The following NEGR1 variants were observed in gnomAD, a reference collection of about 807,000 sequenced individuals.
NEGR1 encodes neuronal growth regulator 1.
NEGR1 carries 10 observed loss-of-function variants against 40.9 expected under a neutral mutation model. The observed-to-expected ratio is 0.24, with a 90% CI of 0.15 to 0.42. The LOEUF (loss-of-function observed/expected upper bound fraction) is 0.42. Among genes scored for constraint, NEGR1 ranks in the 10% least tolerant of loss-of-function variants. The pLI, the probability that NEGR1 is intolerant of heterozygous loss-of-function variation, is 1.00. For synonymous variants in NEGR1, 185 were observed against 166.8 expected, an observed-to-expected ratio of 1.11 and a Z score of -0.84; for missense variants, 352 against 438.9, an observed-to-expected ratio of 0.80 and a Z score of 1.77.
chr1:71,599,976 G>T (rs942451489), intron 5 of NEGR1, among the ~76,000 whole-genome samples: 6 of 152,068 alleles, frequency 3.9e-5, no homozygotes, highest in Non-Finnish European at 8.8e-5. Context: ...ATATCAATAT[G>T]CCCATGATTT....
chr1:72,176,684 CA>C (rs1652178110), intron 1 of NEGR1, among the ~76,000 whole-genome samples: 1 of 151,924 alleles, frequency 6.6e-6, no homozygotes, highest in African/African-American at 2.4e-5. Context: ...AACAAACAAA[CA>C]AAACCACTGT....
intron 2 of NEGR1, among the ~76,000 whole-genome samples, chr1:71,783,344 GTGT>G (rs1258808844): frequency 2.0e-5 from 3 of 152,120 alleles, no homozygotes; most frequent in Non-Finnish European, 4.4e-5. Flanking sequence ...CCTGGAAAAG[GTGT>G]TGTTCTCAAA....
chr1:72,273,717 T>C (rs1022839130), intron 1 of NEGR1, among the ~76,000 whole-genome samples: 1 of 151,950 alleles, frequency 6.6e-6, no homozygotes, highest in African/African-American at 2.4e-5. Flanking sequence ...TACATTTTCT[T>C]CAAAGTAGAC....
intron 1 of NEGR1, among the ~76,000 whole-genome samples, chr1:72,217,908 A>G (rs1162458071): frequency 6.6e-6 from 1 of 151,858 alleles, no homozygotes; most frequent in African/African-American, 2.4e-5. Flanking sequence ...CTATATCTCC[A>G]ACTAAGAAAG....
intron 6 of NEGR1, among the ~76,000 whole-genome samples, chr1:71,433,569 C>T (rs1646483500): frequency 1.3e-5 from 2 of 152,172 alleles, no homozygotes; most frequent in African/African-American, 2.4e-5. Context: ...AGGTGAAAGG[C>T]ACTGCTTACA....
chr1:71,745,975 A>G (rs563696899), intron 3 of NEGR1, among the ~76,000 whole-genome samples: 16 of 152,152 alleles, frequency 1.1e-4, no homozygotes, highest in Non-Finnish European at 2.4e-4. Context: ...AGAGGCCAAG[A>G]ACACTCTAAA....
intron 1 of NEGR1, among the ~76,000 whole-genome samples, chr1:72,056,184 A>T (rs1185768483): frequency 1.3e-5 from 2 of 151,290 alleles, no homozygotes; most frequent in Non-Finnish European, 3.0e-5. Context: ...TTCTTGTTTT[A>T]GCTAATAACT....
rs1656292223 is a variant in NEGR1, at chr1:72,282,374, G to T, written c.121C>A (p.Pro41Thr). Reference sequence around the variant, plus strand: ...ATCATGTTGTCCACGGCCGCCCAGGGGAAGTCCACACTCTGTCCAGCCGGG... The same window carrying T: ...ATCATGTTGTCCACGGCCGCCCAGGTGAAGTCCACACTCTGTCCAGCCGGG... ...CLPAGQSVDF[P>T]WAAVDNMMVR... is the part of the protein sequence containing the mutation. The change falls in exon 1 of 7, where the codon CCC becomes ACC. Residue 41 changes from proline to threonine, a missense_variant. By Grantham distance (38) the Pro-to-Thr change is conservative (BLOSUM62 -1). Around this residue, in one of 5 missense-constraint regions of NEGR1, gnomAD observed 81 missense variants for 85.8 expected, o/e 0.94. Coordinates refer to ENST00000357731, the MANE Select transcript of NEGR1 (RefSeq NM_173808.3). 15 of 1,613,824 alleles carry T rather than the reference G, an allele frequency of 9.3e-6. No individual in the cohort carries two copies. Among genetic ancestry groups the T allele is most frequent in the African/African-American group, 2.7e-5 (2 of 74,884 alleles).
chr1:72,037,730 C>G (rs372100534), intron 1 of NEGR1, among the ~76,000 whole-genome samples: 1 of 152,118 alleles, frequency 6.6e-6, no homozygotes, highest in Non-Finnish European at 1.5e-5. Context: ...TTGCAAACAT[C>G]TGAATCTATT....
intron 4 of NEGR1, among the ~76,000 whole-genome samples, chr1:71,628,357 G>T (rs1650857026): frequency 6.6e-6 from 1 of 151,940 alleles, no homozygotes; most frequent in South Asian, 2.1e-4. Context: ...CACAATAAAT[G>T]AATGCATTAT....
chr1:71,998,780 G>A (rs1646528486), intron 1 of NEGR1, among the ~76,000 whole-genome samples: 1 of 150,370 alleles, frequency 6.7e-6, no homozygotes, highest in Non-Finnish European at 1.5e-5. Flanking sequence ...ACTATATATT[G>A]GATGTATTAT....
intron 1 of NEGR1, among the ~76,000 whole-genome samples, chr1:72,169,074 TA>T (rs1473755554): frequency 1.2e-4 from 19 of 152,178 alleles, no homozygotes; most frequent in South Asian, 8.3e-4. Context: ...TAACAATTTT[TA>T]AATTTAATAT....
intron 4 of NEGR1, among the ~76,000 whole-genome samples, chr1:71,690,555 T>G (rs565430625): frequency 7.3e-6 from 1 of 136,814 alleles, no homozygotes; most frequent in East Asian, 2.1e-4. Context: ...TGCACACATA[T>G]AAGTTATATA....
Position 71,915,515 on chromosome 1 carries a change from C to A in NEGR1, c.409+19564G>T, listed in dbSNP as rs940559375. Among the ~76,000 whole-genome samples the A allele has an allele frequency of 2.0e-5, 3 of 152,158 alleles. No homozygotes were observed. The South Asian group carries it at 6.2e-4, about 32-fold the overall frequency. On this transcript the variant is annotated intron_variant, in intron 2 of 6. Transcript: ENST00000357731. ...TATATATAATAATAATAGTGTCATT[C>A]ATTGTACTGACTTTGTGTCCAGTTC...
At chr1:71,827,057 A>G (rs563007194) in intron 2 of NEGR1, among the ~76,000 whole-genome samples, 70 of 151,908 alleles carry the variant, frequency 4.6e-4, no homozygotes, top group Middle Eastern at 3.4e-3. Flanking sequence ...AGTTGCCACT[A>G]TTGGCTTTTC....
chr1:72,206,001 T>G (rs1653386053), intron 1 of NEGR1, among the ~76,000 whole-genome samples: 1 of 149,904 alleles, frequency 6.7e-6, no homozygotes, highest in Admixed American at 6.7e-5. Flanking sequence ...GTGTCAAACA[T>G]GTAGCAAGTG....
At chr1:71,436,388 G>C (rs892014652) in intron 6 of NEGR1, among the ~76,000 whole-genome samples, 1 of 152,302 alleles carries the variant, frequency 6.6e-6, no homozygotes. Flanking sequence ...AGATGCAGAT[G>C]AATCAGTGCC....
intron 1 of NEGR1, among the ~76,000 whole-genome samples, chr1:72,000,052 A>G (rs776559433): frequency 5.3e-5 from 8 of 151,966 alleles, no homozygotes; most frequent in Non-Finnish European, 7.4e-5. Flanking sequence ...TAACACTACG[A>G]AAGGTATGCT....
In NEGR1 at chr1:72,225,412, A is replaced by G. The variant is rs180976318; in HGVS notation, c.176+56907T>C. On this transcript the variant is annotated intron_variant, in intron 1 of 6. Coordinates refer to ENST00000357731, the MANE Select transcript of NEGR1 (RefSeq NM_173808.3). ...AAACAAACTTTTATTTTCTTTAAAT[A>G]TGAGTTTTGTATTATAAAATATCTT... is the stretch of plus-strand genomic sequence containing the variant. Among the ~76,000 whole-genome samples the G allele has an allele frequency of 1.2e-3, 184 of 150,434 alleles. 1 individual carries two copies. The highest frequency in any genetic ancestry group is 3.6e-3 in the Middle Eastern group (1 of 278).
Sources: gnomAD v4.1 joint callset for allele counts (sites outside exome capture counted in the v4.1 genomes callset) on GRCh38, gnomAD v4.1.1 for gene constraint, gnomAD v4.1.1 regional missense constraint, MANE v1.5 for transcripts, NCBI Gene and HGNC (gene_info 2026-07-23, HGNC 2026-07-21) for gene names.